The following IPO11 variants were observed in gnomAD, a reference collection of about 807,000 sequenced individuals.
IPO11 encodes the protein importin-11.
In IPO11, 66 loss-of-function variants were observed where a neutral mutation model predicts 143.2. That is an observed-to-expected ratio of 0.46 (90% CI 0.38 to 0.57). The LOEUF is 0.57. IPO11 is among the 20% of genes least tolerant of loss of function. The probability of loss-of-function intolerance (pLI) is 0.00; values close to 1 mark genes in which losing one functional copy is unlikely to be tolerated. For synonymous variants in IPO11, 385 were observed against 377.8 expected, an observed-to-expected ratio of 1.02 and a Z score of -0.22; for missense variants, 1,026 against 1,141.0, an observed-to-expected ratio of 0.90 and a Z score of 1.45.
At chr5:62,572,743 G>A (rs1024733770) in intron 27 of IPO11, among the ~76,000 whole-genome samples, 1 of 151,620 alleles carries the variant, frequency 6.6e-6, no homozygotes, top group African/African-American at 2.4e-5. Context: ...TACCACACCC[G>A]GCTAGTTTTT....
chr5:62,466,911 G>T (rs774787436), intron 5 of IPO11, among the ~76,000 whole-genome samples: 3 of 152,196 alleles, frequency 2.0e-5, no homozygotes, highest in Non-Finnish European at 2.9e-5. Context: ...TATTTTAGGG[G>T]TGTGTCTGTG....
intron 5 of IPO11, 52 bp downstream of exon 5, chr5:62,451,985 G>C (rs748414434): frequency 4.1e-6 from 6 of 1,461,506 alleles, no homozygotes; most frequent in Non-Finnish European, 5.7e-6. Context: ...GCGGCCGGGC[G>C]TGGTGGCTTA....
chr5:62,462,593 C>G (rs1290412263), intron 5 of IPO11, among the ~76,000 whole-genome samples: 1 of 152,058 alleles, frequency 6.6e-6, no homozygotes, highest in Admixed American at 6.6e-5. Flanking sequence ...TTCAATGGTA[C>G]ACTCATAGCT....
intron 26 of IPO11, among the ~76,000 whole-genome samples, chr5:62,552,951 C>T (rs1224024771): frequency 1.3e-5 from 2 of 152,182 alleles, no homozygotes; most frequent in Non-Finnish European, 2.9e-5. Flanking sequence ...TACTATTTCT[C>T]TGTATTGGGA....
At chr5:62,422,089 G>A (rs1743533994) in intron 1 of IPO11, among the ~76,000 whole-genome samples, 1 of 152,058 alleles carries the variant, frequency 6.6e-6, no homozygotes, top group African/African-American at 2.4e-5. Flanking sequence ...CAGTTTTATA[G>A]CTTTTCCTTC....
At position 62,437,358 on chromosome 5, in the gene IPO11, C is replaced by G. The variant is rs1744278801; in HGVS notation, c.79C>G (p.Pro27Ala). 1 of 1,612,758 alleles carries G rather than the reference C, an allele frequency of 6.2e-7. No homozygotes were observed. The highest frequency in any genetic ancestry group is 8.5e-7 in the Non-Finnish European group (1 of 1,179,286). Residue 27 changes from proline to alanine, a missense_variant, in exon 2 of 30, where the codon CCA (proline) becomes GCA (alanine). Coordinates refer to ENST00000325324, the MANE Select transcript of IPO11 (RefSeq NM_016338.5). ...ATSQDTAVLKPAEEQLKQWET... is the reference protein window; with the variant it reads ...ATSQDTAVLKAAEEQLKQWET... ...CAGTCAGGATACTGCTGTGTTAAAACCAGCTGAGGAGCAGTTGAAGCAGTG... is the reference window on the plus strand; with the variant it reads ...CAGTCAGGATACTGCTGTGTTAAAAGCAGCTGAGGAGCAGTTGAAGCAGTG...
intron 5 of IPO11, among the ~76,000 whole-genome samples, chr5:62,459,522 G>C (rs1745283232): frequency 6.6e-6 from 1 of 151,810 alleles, no homozygotes; most frequent in Non-Finnish European, 1.5e-5. Context: ...ATATATTTAT[G>C]TCATAGGTAA....
At chr5:62,431,275 G>T (rs766255710) in intron 1 of IPO11, among the ~76,000 whole-genome samples, 16 of 152,174 alleles carry the variant, frequency 1.1e-4, no homozygotes, top group Non-Finnish European at 2.2e-4. Context: ...TACCACATCT[G>T]GGCCTTACAG....
chr5:62,479,756 A>G lies in IPO11; in HGVS notation c.828+3003A>G, dbSNP rs148126248. 8.0e-3 allele frequency among the ~76,000 whole-genome samples: 1,216 copies of G among 152,198 alleles called. 14 individuals are homozygous for G. Among genetic ancestry groups the G allele is most frequent in the African/African-American group, 0.028 (1,163 of 41,526 alleles). On this transcript the variant is annotated intron_variant, in intron 9 of 29. Transcript: ENST00000325324. ...GTCTTCTTTTGAGAAGCGTCTGTTCATGTCCTTTGCCCACTTTTTGATAGG... is the reference window on the plus strand; with the variant it reads ...GTCTTCTTTTGAGAAGCGTCTGTTCGTGTCCTTTGCCCACTTTTTGATAGG...
rs750094174 is a variant in IPO11, at chr5:62,485,484, A to G, written c.1218+22A>G. On this transcript the variant is annotated intron_variant, in intron 12 of 29. Coordinates refer to ENST00000325324, the MANE Select transcript of IPO11 (RefSeq NM_016338.5). Reference sequence around the variant, plus strand: ...GAGGGTAAGTATTAATTGCAAGAAAAATTGATAGGGGAAAGCTTAATCTTT... The same window carrying G: ...GAGGGTAAGTATTAATTGCAAGAAAGATTGATAGGGGAAAGCTTAATCTTT... 8.3e-6 allele frequency: 13 copies of G among 1,568,456 alleles called. No homozygotes were observed. The South Asian group carries it at 1.4e-4, about 17-fold the overall frequency.
chr5:62,456,815 C>T (rs891368060), intron 5 of IPO11, among the ~76,000 whole-genome samples: 5 of 152,270 alleles, frequency 3.3e-5, no homozygotes, highest in South Asian at 2.1e-4. Context: ...GATGTGGGGC[C>T]GGGTGCGGTG....
At chr5:62,459,611 T>A (rs153870) in intron 5 of IPO11, among the ~76,000 whole-genome samples, 1 of 151,706 alleles carries the variant, frequency 6.6e-6, no homozygotes, top group Non-Finnish European at 1.5e-5. Flanking sequence ...AGTGCAGTGG[T>A]GCAATCTTGG....
At chr5:62,441,762 C>T (rs1441758333) in intron 2 of IPO11, among the ~76,000 whole-genome samples, 1 of 151,542 alleles carries the variant, frequency 6.6e-6, no homozygotes, top group Admixed American at 6.6e-5. Context: ...GGTGGTCCAC[C>T]TGCCTCGGCC....
At chr5:62,493,572 C>CTT (rs774338851) in intron 15 of IPO11, among the ~76,000 whole-genome samples, 4 of 142,694 alleles carry the variant, frequency 2.8e-5, no homozygotes, top group East Asian at 2.0e-4. Flanking sequence ...AGGCTTTAAG[C>CTT]TTTTTTTTTT....
chr5:62,517,526 C>T (rs577101690), intron 20 of IPO11, among the ~76,000 whole-genome samples: 1 of 152,246 alleles, frequency 6.6e-6, no homozygotes, highest in African/African-American at 2.4e-5. Flanking sequence ...CCTCATCCTC[C>T]AGAGTAGCTG....
chr5:62,527,495 A>T (rs944313612), intron 21 of IPO11, among the ~76,000 whole-genome samples: 1 of 152,230 alleles, frequency 6.6e-6, no homozygotes, highest in Admixed American at 6.5e-5. Flanking sequence ...AGATTGTAAG[A>T]TAAAATATTA....
intron 28 of IPO11, among the ~76,000 whole-genome samples, chr5:62,597,706 A>G (rs1373414358): frequency 6.6e-6 from 1 of 152,210 alleles, no homozygotes; most frequent in Non-Finnish European, 1.5e-5. Flanking sequence ...GCTAAATGTA[A>G]TTTAACACAG....
Position 62,517,533 on chromosome 5 carries a change from G to T in IPO11, c.1896+2032G>T, listed in dbSNP as rs113516712. Among the ~76,000 whole-genome samples the T allele has an allele frequency of 8.3e-3, 1,270 of 152,276 alleles. 8 individuals carry two copies. Among genetic ancestry groups the T allele is most frequent in the Non-Finnish European group, 0.014 (981 of 68,030 alleles). On this transcript the variant is annotated intron_variant, in intron 20 of 29. Transcript: ENST00000325324. Reference sequence around the variant, plus strand: ...TTCTCCTGCCTCATCCTCCAGAGTAGCTGGGATTACAGGCATGCTCCACCA... The same window carrying T: ...TTCTCCTGCCTCATCCTCCAGAGTATCTGGGATTACAGGCATGCTCCACCA...
intron 1 of IPO11, chr5:62,413,539 C>T (rs1743190780): frequency 6.6e-6 from 1 of 152,122 alleles, no homozygotes; most frequent in Non-Finnish European, 1.5e-5. Flanking sequence ...TTACGTGTGT[C>T]ATTTTTTCTT....
Sources: gnomAD v4.1 joint callset for allele counts (sites outside exome capture counted in the v4.1 genomes callset) on GRCh38, gnomAD v4.1.1 for gene constraint, MANE v1.5 for transcripts, NCBI Gene and HGNC (gene_info 2026-07-23, HGNC 2026-07-21) for gene names.